HECTD2: variants seen among roughly 807,000 people sequenced by gnomAD.
HECTD2 encodes the protein HECT domain E3 ubiquitin protein ligase 2, also known as probable E3 ubiquitin-protein ligase HECTD2.
In HECTD2, 35 loss-of-function variants were observed where a neutral mutation model predicts 103.2. The ratio of observed to expected loss-of-function variants is 0.34; its 90% CI spans 0.26 to 0.45. The LOEUF is 0.45. HECTD2 is among the 20% of genes least tolerant of loss of function. The probability of loss-of-function intolerance (pLI) is 1.00; values close to 1 mark genes in which losing one functional copy is unlikely to be tolerated. For missense variants in HECTD2, 596 were observed against 937.4 expected (o/e 0.64, Z 4.76); for synonymous variants, 281 against 329.9 (o/e 0.85, Z 1.61).
chr10:91,460,412 T>G lies in HECTD2; in HGVS notation c.269-15T>G. On this transcript the variant is annotated splice_polypyrimidine_tract_variant and intron_variant, in intron 2 of 20. Coordinates refer to ENST00000298068, the MANE Select transcript of HECTD2 (RefSeq NM_182765.6). The stretch of plus-strand genomic sequence containing the variant: ...TAATGATTCATTATTTTGAATGTGT[T>G]TTTATACTTCACAGTGAGAGAACCA... 3.2e-6 allele frequency: 5 copies of G among 1,578,612 alleles called. No homozygotes were observed. The South Asian group carries it at 6.0e-5, about 19-fold the overall frequency.
chr10:91,512,339 A>G lies in HECTD2; in HGVS notation c.2286A>G (p.Lys762=). The change falls in exon 21 of 21, where the codon AAA becomes AAG. Residue 762 remains lysine (K), a synonymous_variant. Transcript: ENST00000298068. Reference sequence around the variant, plus strand: ...AGAGCAAAAAGGATCTGAAACAGAAATTGATCATTGGAATTTCAAATTCAG... The same window carrying G: ...AGAGCAAAAAGGATCTGAAACAGAAGTTGATCATTGGAATTTCAAATTCAG... ...PYKSKKDLKQ[K]LIIGISNSEG... is the part of the protein sequence containing the mutation. 2 of 1,613,774 alleles carry G rather than the reference A, an allele frequency of 1.2e-6. No homozygotes were observed. The highest frequency in any genetic ancestry group is 1.7e-4 in the Middle Eastern group (1 of 6,060).
At chr10:91,412,630 T>TA (rs1215785260) in intron 1 of HECTD2, among the ~76,000 whole-genome samples, 75 of 143,364 alleles carry the variant, frequency 5.2e-4, no homozygotes, top group Middle Eastern at 3.5e-3. Flanking sequence ...ATTTATTTTT[T>TA]AAAAAAAAAA....
intron 2 of HECTD2, 28 bp from the exon 3 acceptor site, chr10:91,460,399 A>G: frequency 2.0e-6 from 3 of 1,533,818 alleles, no homozygotes; most frequent in Non-Finnish European, 2.6e-6. Flanking sequence ...ATGATTCATT[A>G]TTTTGAATGT....
In HECTD2 at chr10:91,487,457, G is replaced by A; in HGVS notation, c.1095-225G>A. The A allele has an allele frequency of 1.9e-6, 1 of 526,736 alleles. No homozygotes were observed. Among genetic ancestry groups the A allele is most frequent in the South Asian group, 1.9e-5 (1 of 51,544 alleles). The allele number at this position is 526,736 out of a possible 1,614,324, so 32.6% of individuals were successfully genotyped here. On this transcript the variant is annotated intron_variant, in intron 10 of 20. Transcript: ENST00000298068. This position sits in a 1 kb window ranked among gnomAD's most constrained non-coding sequence, Gnocchi z 4.1. ...TTAGCACACATTCAGAACCTTTGAT[G>A]TAGCTTCTGCAGAGAATAAAGGCAT...
chr10:91,492,476 C>T lies in HECTD2; in HGVS notation c.1424C>T (p.Pro475Leu). 6.2e-7 allele frequency: 1 copy of T among 1,608,990 alleles called. No individual in the cohort carries two copies. Reference protein sequence around the residue: ...FLLLIRQIFHPDYGMFTYHKD... With the variant: ...FLLLIRQIFHLDYGMFTYHKD... ...CTTCTAATTCGCCAAATTTTTCATC[C>T]AGATTATGGTAAGTATGTAATCTAA... is the stretch of plus-strand genomic sequence containing the variant. Residue 475 changes from proline (P) to leucine (L), a missense_variant, in exon 13 of 21, where the codon CCA becomes CTA. Physicochemically the swap from Pro to Leu is moderately conservative, Grantham distance 98. This residue lies in a region of HECTD2 where 303 missense variants were observed against 522.5 expected (regional missense o/e 0.58). Transcript: ENST00000298068.
At chr10:91,452,092 TTAACAATA>T (rs1844859302) in intron 2 of HECTD2, among the ~76,000 whole-genome samples, 1 of 151,982 alleles carries the variant, frequency 6.6e-6, no homozygotes, top group Non-Finnish European at 1.5e-5. Context: ...TTATCCAGTC[TTAACAATA>T]GAAAATAGAC....
chr10:91,499,009 T>C (rs1430925170), intron 17 of HECTD2, 35 bp from the exon 18 acceptor site: 1 of 1,559,640 alleles, frequency 6.4e-7, no homozygotes, highest in Non-Finnish European at 8.8e-7. Context: ...TGCCATTTAC[T>C]TTTACTATTT....
intron 2 of HECTD2, among the ~76,000 whole-genome samples, chr10:91,457,899 C>T (rs182110963): frequency 9.2e-4 from 139 of 151,674 alleles, no homozygotes; most frequent in African/African-American, 3.3e-3. Flanking sequence ...TGCTCTTACT[C>T]TTATTCATCT....
At position 91,462,082 on chromosome 10, in the gene HECTD2, A is replaced by G. The variant is rs774155548; in HGVS notation, c.511-13A>G. Reference sequence around the variant, plus strand: ...AATGTTGAATATACTTAATTCTTAAATTGAATTTGCAGAAAGATGCCACTG... The same window carrying G: ...AATGTTGAATATACTTAATTCTTAAGTTGAATTTGCAGAAAGATGCCACTG... On this transcript the variant is annotated splice_polypyrimidine_tract_variant and intron_variant, in intron 4 of 20. Transcript: ENST00000298068. 8 of 1,564,060 alleles carry G rather than the reference A, an allele frequency of 5.1e-6. No homozygotes were observed. The highest frequency in any genetic ancestry group is 1.7e-4 in the Middle Eastern group (1 of 5,960).
chr10:91,420,280 CAAAAAAA>C (rs58296918), intron 1 of HECTD2, among the ~76,000 whole-genome samples: 3 of 109,922 alleles, frequency 2.7e-5, no homozygotes, highest in Admixed American at 1.0e-4. Context: ...TTTATGATTA[CAAAAAAA>C]AAAAAAAAGA....
chr10:91,478,535 C>G (rs1262348152), intron 6 of HECTD2, among the ~76,000 whole-genome samples: 2 of 152,042 alleles, frequency 1.3e-5, no homozygotes, highest in African/African-American at 4.8e-5. Context: ...GATATATATG[C>G]TTAACAAAAA....
At chr10:91,468,086 C>T (rs879376895) in intron 5 of HECTD2, among the ~76,000 whole-genome samples, 1 of 152,214 alleles carries the variant, frequency 6.6e-6, no homozygotes, top group Non-Finnish European at 1.5e-5. Context: ...TGGCTGCTGG[C>T]ACATGCAAGC....
At chr10:91,461,783 G>A (rs1845360497) in intron 4 of HECTD2, among the ~76,000 whole-genome samples, 1 of 151,900 alleles carries the variant, frequency 6.6e-6, no homozygotes, top group African/African-American at 2.4e-5. Context: ...TCCCGACCTC[G>A]GGTGATCCTC....
chr10:91,417,704 T>C lies in HECTD2; in HGVS notation c.138+7128T>C, dbSNP rs1442707433. On this transcript the variant is annotated intron_variant, in intron 1 of 20. Coordinates refer to ENST00000298068, the MANE Select transcript of HECTD2 (RefSeq NM_182765.6). ...TACAAAGGACATGAACTCATCATTT[T>C]TTATGGCTGCATAGTATTCCATGGT... 1.3e-5 allele frequency among the ~76,000 whole-genome samples: 2 copies of C among 152,156 alleles called. 1 individual carries two copies.
chr10:91,431,998 T>G (rs954452167), intron 2 of HECTD2, among the ~76,000 whole-genome samples: 1 of 151,916 alleles, frequency 6.6e-6, no homozygotes, highest in Non-Finnish European at 1.5e-5. Flanking sequence ...TTCCTTTATC[T>G]TATTAGAACT....
At chr10:91,489,814 G>A (rs1345721692) in intron 11 of HECTD2, 1 of 152,172 alleles carries the variant, frequency 6.6e-6, no homozygotes, top group Non-Finnish European at 1.5e-5. Context: ...CTTCAAAATT[G>A]TAAGTAGCCT....
intron 2 of HECTD2, among the ~76,000 whole-genome samples, chr10:91,427,573 G>A (rs1033848732): frequency 2.6e-5 from 4 of 152,090 alleles, no homozygotes; most frequent in Non-Finnish European, 5.9e-5. Flanking sequence ...TCTCATTGTG[G>A]TTTTGATTTG....
At chr10:91,493,317 AATTG>A (rs1846545958) in intron 13 of HECTD2, 99 bp from the exon 14 acceptor site, 5 of 498,172 alleles carry the variant, frequency 1.0e-5, no homozygotes, top group Non-Finnish European at 1.7e-5. Flanking sequence ...ATTATTGTTG[AATTG>A]ATTAGCTTCT....
At chr10:91,428,207 G>A (rs1469704688) in intron 2 of HECTD2, among the ~76,000 whole-genome samples, 10 of 151,748 alleles carry the variant, frequency 6.6e-5, no homozygotes, top group Admixed American at 6.6e-5. Context: ...CGTTATTTCT[G>A]AGGGCTCTGT....
Sources: allele counts gnomAD v4.1 joint callset (sites outside exome capture counted in the v4.1 genomes callset), GRCh38; gene constraint gnomAD v4.1.1; regional missense constraint gnomAD v4.1.1; non-coding constraint Gnocchi (gnomAD v3.1); transcripts MANE v1.5; gene names NCBI Gene and HGNC (gene_info 2026-07-23, HGNC 2026-07-21).